Variants in EPHA3 observed in about 807,000 individuals in gnomAD.
EPHA3 encodes ephrin type-A receptor 3.
EPHA3 carries 42 observed loss-of-function variants against 107.1 expected under a neutral mutation model. The observed-to-expected ratio is 0.39, with a 90% CI of 0.31 to 0.51. The LOEUF is 0.51. EPHA3 is among the 20% of genes least tolerant of loss of function. The pLI, the probability that EPHA3 is intolerant of heterozygous loss-of-function variation, is 0.78. For synonymous variants in EPHA3, 461 were observed against 424.8 expected (o/e 1.09, Z -1.05); for missense variants, 1,183 against 1,211.2 (o/e 0.98, Z 0.35).
rs772198842 is a variant in EPHA3 at position 89,412,878 on chromosome 3, T to C, written c.1763-263T>C. ...TCTTCTTAAGATCCCCTTTTTTGAG[T>C]ATGCATTTTCCTTCTGATGTTTTTG... is the stretch of plus-strand genomic sequence containing the variant. On this transcript the variant is annotated intron_variant, in intron 9 of 16. Coordinates refer to ENST00000336596, the MANE Select transcript of EPHA3 (RefSeq NM_005233.6). Among the ~76,000 whole-genome samples the C allele has an allele frequency of 2.6e-5, 4 of 151,832 alleles. No individual in the cohort carries two copies. The South Asian group carries it at 6.2e-4, about 24-fold the overall frequency.
At chr3:89,286,962 CACTT>C (rs1706101500) in intron 3 of EPHA3, among the ~76,000 whole-genome samples, 1 of 152,072 alleles carries the variant, frequency 6.6e-6, no homozygotes, top group Admixed American at 6.6e-5. Flanking sequence ...TTTTTAGACT[CACTT>C]TATATCATCT....
intron 16 of EPHA3, among the ~76,000 whole-genome samples, chr3:89,476,154 A>AC (rs1710502195): frequency 1.4e-5 from 2 of 147,702 alleles, no homozygotes; most frequent in Admixed American, 1.4e-4. Flanking sequence ...TATAATATAT[A>AC]ATGTTTATAT....
chr3:89,124,513 A>G (rs563018850), intron 1 of EPHA3, among the ~76,000 whole-genome samples: 97 of 152,228 alleles, frequency 6.4e-4, no homozygotes, highest in African/African-American at 2.3e-3. Flanking sequence ...AATCCAAAGT[A>G]TGTGCTTTTA....
At chr3:89,331,581 G>A (rs1707290918) in intron 3 of EPHA3, among the ~76,000 whole-genome samples, 1 of 151,610 alleles carries the variant, frequency 6.6e-6, no homozygotes, top group African/African-American at 2.4e-5. Context: ...GGACCTAAGT[G>A]TTCTTCCTAC....
chr3:89,460,144 A>G (rs77197588), intron 15 of EPHA3, among the ~76,000 whole-genome samples: 5,142 of 152,184 alleles, frequency 0.034, 276 homozygotes, highest in African/African-American at 0.12. Flanking sequence ...TATTGACAAT[A>G]TTAATTTTGA....
At chr3:89,237,027 A>C (rs1280337105) in intron 3 of EPHA3, among the ~76,000 whole-genome samples, 1 of 152,214 alleles carries the variant, frequency 6.6e-6, no homozygotes, top group Admixed American at 6.5e-5. Context: ...GAATGGATAA[A>C]TGAATGCATG....
intron 5 of EPHA3, among the ~76,000 whole-genome samples, chr3:89,374,260 A>C (rs575925334): frequency 1.8e-4 from 28 of 152,052 alleles, no homozygotes; most frequent in Admixed American, 1.7e-3. Flanking sequence ...GAGGAATTAA[A>C]TGGGTCCTTG....
intron 11 of EPHA3, among the ~76,000 whole-genome samples, chr3:89,424,226 T>C (rs1709412589): frequency 1.3e-5 from 2 of 151,436 alleles, no homozygotes; most frequent in Non-Finnish European, 3.0e-5. Flanking sequence ...ATTCCAAGTA[T>C]GAAAAGTTGG....
chr3:89,472,337 A>C, intron 15 of EPHA3, 127 bp from the exon 16 acceptor site: 8 of 1,026,110 alleles, frequency 7.8e-6, no homozygotes, highest in Non-Finnish European at 9.9e-6. Context: ...ATGGCAGATA[A>C]ATTCCACAAA....
intron 2 of EPHA3, among the ~76,000 whole-genome samples, chr3:89,177,060 A>G (rs184994607): frequency 6.6e-6 from 1 of 152,192 alleles, no homozygotes; most frequent in East Asian, 1.9e-4. Context: ...AGCATAGCAT[A>G]AAGGGTTCAC....
chr3:89,446,893 A>G (rs1709887298), intron 13 of EPHA3, among the ~76,000 whole-genome samples: 1 of 152,168 alleles, frequency 6.6e-6, no homozygotes, highest in Admixed American at 6.6e-5. Context: ...ACAAGTGTCT[A>G]TAACAGACCT....
intron 3 of EPHA3, among the ~76,000 whole-genome samples, chr3:89,259,467 C>T (rs1576271639): frequency 6.6e-6 from 1 of 152,292 alleles, no homozygotes; most frequent in East Asian, 1.9e-4. Flanking sequence ...GTTGAATTAA[C>T]TAACAAATCT....
intron 2 of EPHA3, among the ~76,000 whole-genome samples, chr3:89,203,966 G>T (rs561019004): frequency 6.6e-6 from 1 of 152,146 alleles, no homozygotes; most frequent in African/African-American, 2.4e-5. Flanking sequence ...GGAGACAGAA[G>T]GGACAACATA....
chr3:89,339,122 C>G (rs984198509), intron 3 of EPHA3, among the ~76,000 whole-genome samples: 2 of 152,044 alleles, frequency 1.3e-5, no homozygotes, highest in African/African-American at 4.8e-5. Context: ...CCTGTAATCC[C>G]AGGACTTTGG....
At chr3:89,168,979 TACTC>T (rs1187437080) in intron 2 of EPHA3, among the ~76,000 whole-genome samples, 5 of 152,094 alleles carry the variant, frequency 3.3e-5, no homozygotes, top group African/African-American at 1.2e-4. Context: ...ATTAAGCAAA[TACTC>T]AGAACACAAT....
In EPHA3 at chr3:89,359,090, C is replaced by T. The variant is rs759696354; in HGVS notation, c.1306+17000C>T. On this transcript the variant is annotated intron_variant, in intron 5 of 16. Transcript: ENST00000336596. The stretch of plus-strand genomic sequence containing the variant: ...ATTCTAGTTAAATAGACAGTTACCA[C>T]ATAAAGTATATAAAACTAGAATGCA... 2.0e-4 allele frequency among the ~76,000 whole-genome samples: 30 copies of T among 151,156 alleles called. 1 individual carries two copies. The highest frequency in any genetic ancestry group is 3.9e-4 in the Non-Finnish European group (26 of 67,440).
intron 5 of EPHA3, among the ~76,000 whole-genome samples, chr3:89,351,614 T>A (rs1707822232): frequency 6.6e-6 from 1 of 151,300 alleles, no homozygotes; most frequent in African/African-American, 2.4e-5. Flanking sequence ...ACCGGAGCTG[T>A]TCCTATTCGG....
rs566956613 is a variant in EPHA3, at chr3:89,157,734, G to C, written c.153+30461G>C. On this transcript the variant is annotated intron_variant, in intron 2 of 16. Transcript: ENST00000336596. ...CTACAGGTACTAATTCCAGGAAGTT[G>C]CTTCTACATGTCTCTGGGGATGCAG... is the stretch of plus-strand genomic sequence containing the variant. Among the ~76,000 whole-genome samples the C allele has an allele frequency of 5.9e-5, 9 of 152,066 alleles. No individual in the cohort carries two copies. The East Asian group carries it at 7.8e-4, about 13-fold the overall frequency.
At chr3:89,272,503 A>G (rs1207127427) in intron 3 of EPHA3, among the ~76,000 whole-genome samples, 1 of 151,972 alleles carries the variant, frequency 6.6e-6, no homozygotes, top group Non-Finnish European at 1.5e-5. Context: ...AAGAAATTTT[A>G]ATCCATTAAG....
Sources: gnomAD v4.1 joint callset for allele counts (sites outside exome capture counted in the v4.1 genomes callset) on GRCh38, gnomAD v4.1.1 for gene constraint, MANE v1.5 for transcripts, NCBI Gene and HGNC (gene_info 2026-07-23, HGNC 2026-07-21) for gene names.